DCAF6: variants seen among roughly 807,000 people sequenced by gnomAD.
The protein encoded by DCAF6 is DDB1- and CUL4-associated factor 6.
Under a neutral mutation model 125.1 loss-of-function variants are expected in DCAF6, and 54 were observed. The ratio of observed to expected loss-of-function variants is 0.43; its 90% CI spans 0.35 to 0.54. The LOEUF (loss-of-function observed/expected upper bound fraction) is 0.54, where lower values mean the gene tolerates loss of function less well. Among genes scored for constraint, DCAF6 ranks in the 20% least tolerant of loss-of-function variants. The probability of loss-of-function intolerance (pLI) is 0.01; values close to 1 mark genes in which losing one functional copy is unlikely to be tolerated. For missense variants in DCAF6, 934 were observed against 1,161.7 expected (o/e 0.80, Z 2.85); for synonymous variants, 371 against 390.4 (o/e 0.95, Z 0.58).
chr1:167,937,229 G>T (rs1437261530), intron 1 of DCAF6: 2 of 598,900 alleles, frequency 3.3e-6, no homozygotes, highest in East Asian at 5.8e-5. Flanking sequence ...GGTTTTTCTC[G>T]GAGGGCCGGG....
chr1:168,033,527 C>T (rs1315867277), intron 12 of DCAF6, among the ~76,000 whole-genome samples: 1 of 152,016 alleles, frequency 6.6e-6, no homozygotes, highest in Non-Finnish European at 1.5e-5. Context: ...CCTTGTTAGC[C>T]AGGATGGTCT....
In DCAF6 at chr1:167,988,496, C is replaced by T. The variant is rs115311406; in HGVS notation, c.552+888C>T. 2.8e-3 allele frequency among the ~76,000 whole-genome samples: 422 copies of T among 152,188 alleles called. 2 individuals are homozygous for T. The highest frequency in any genetic ancestry group is 9.9e-3 in the African/African-American group (412 of 41,522). ...ATACTATTTTAAACTTACAAAAGGC[C>T]TGAGAAATCATTCAGTCTTTTGACC... On this transcript the variant is annotated intron_variant, in intron 5 of 21. Coordinates refer to ENST00000367840, the MANE Select transcript of DCAF6 (RefSeq NM_001198956.2).
At chr1:168,057,145 A>G (rs1468481276) in intron 17 of DCAF6, among the ~76,000 whole-genome samples, 1 of 152,210 alleles carries the variant, frequency 6.6e-6, no homozygotes, top group Non-Finnish European at 1.5e-5. Context: ...AATAATACCT[A>G]TAATATCAGT....
Position 168,045,131 on chromosome 1 carries a change from C to T in DCAF6, c.2162C>T (p.Thr721Ile). 1.2e-6 allele frequency: 2 copies of T among 1,614,008 alleles called. No homozygotes were observed. Among genetic ancestry groups the T allele is most frequent in the South Asian group, 2.2e-5 (2 of 91,076 alleles). ...EATGPSAHEE[T>I]STRDSALQDT... ...ACTGGGCCTTCAGCTCATGAAGAAACATCCACCAGGGACTCTGCTCTTCAG... is the reference window on the plus strand; with the variant it reads ...ACTGGGCCTTCAGCTCATGAAGAAATATCCACCAGGGACTCTGCTCTTCAG... The change falls in exon 16 of 22, where the codon ACA becomes ATA. Residue 721 changes from threonine (T) to isoleucine (I), a missense_variant. By Grantham distance (89) the Thr-to-Ile change is moderately conservative. Transcript: ENST00000367840.
At chr1:167,965,783 T>C (rs1676320857) in intron 2 of DCAF6, among the ~76,000 whole-genome samples, 1 of 152,034 alleles carries the variant, frequency 6.6e-6, no homozygotes, top group South Asian at 2.1e-4. Flanking sequence ...TACAGGCGCA[T>C]GCCACCATGG....
intron 2 of DCAF6, among the ~76,000 whole-genome samples, chr1:167,961,535 C>T (rs1485180028): frequency 6.6e-6 from 1 of 151,984 alleles, no homozygotes; most frequent in Non-Finnish European, 1.5e-5. Context: ...GCCACTGTGC[C>T]TGGCCTCCAG....
At chr1:168,013,598 A>G (rs1466189128) in intron 10 of DCAF6, among the ~76,000 whole-genome samples, 3 of 152,034 alleles carry the variant, frequency 2.0e-5, no homozygotes, top group Non-Finnish European at 4.4e-5. Context: ...ACTGGAACTT[A>G]TCTCCTTTAG....
chr1:167,941,563 A>C (rs1460790841), intron 1 of DCAF6, among the ~76,000 whole-genome samples: 1 of 152,148 alleles, frequency 6.6e-6, no homozygotes, highest in Non-Finnish European at 1.5e-5. Context: ...GATGGGATGC[A>C]TTCTGTTTTT....
chr1:168,021,885 A>T (rs1424297873), intron 11 of DCAF6, among the ~76,000 whole-genome samples: 1 of 152,226 alleles, frequency 6.6e-6, no homozygotes, highest in Non-Finnish European at 1.5e-5. Context: ...ATATGCCATT[A>T]TGAGCAGAAA....
At chr1:167,897,678 G>A in the DCAF6 span, among the ~76,000 whole-genome samples, 3,168 of 3,168 alleles carry the variant, frequency 1, 1,584 homozygotes, top group Non-Finnish European at 1. Flanking sequence ...AAGTGCTGTT[G>A]CAGACTGCAG....
intron 4 of DCAF6, among the ~76,000 whole-genome samples, chr1:167,985,774 A>T: frequency 6.6e-6 from 1 of 152,212 alleles, no homozygotes; most frequent in East Asian, 1.9e-4. Flanking sequence ...CACCTACTGA[A>T]AAGTGCTGGC....
At chr1:167,905,789 G>A in the DCAF6 span, among the ~76,000 whole-genome samples, 5 of 151,936 alleles carry the variant, frequency 3.3e-5, no homozygotes, top group Non-Finnish European at 5.9e-5. Flanking sequence ...AAGACCTTAA[G>A]CTGTAAATGG....
At chr1:168,016,528 A>C (rs185314050) in intron 11 of DCAF6, among the ~76,000 whole-genome samples, 1 of 152,276 alleles carries the variant, frequency 6.6e-6, no homozygotes. Flanking sequence ...AAAGTACTCC[A>C]CAGTCTCATG....
intron 1 of DCAF6, among the ~76,000 whole-genome samples, chr1:167,950,785 G>T (rs975895991): frequency 6.6e-6 from 1 of 152,018 alleles, no homozygotes; most frequent in Non-Finnish European, 1.5e-5. Flanking sequence ...ATCTGTGTTT[G>T]GTAAAGATGA....
the DCAF6 span, among the ~76,000 whole-genome samples, chr1:167,873,629 C>T: frequency 6.6e-6 from 1 of 152,138 alleles, no homozygotes; most frequent in Non-Finnish European, 1.5e-5. Context: ...TAGGTCTACT[C>T]CCCTGTCTAA....
intron 3 of DCAF6, among the ~76,000 whole-genome samples, chr1:167,973,163 C>T (rs1339939297): frequency 1.3e-5 from 2 of 152,182 alleles, no homozygotes; most frequent in African/African-American, 4.8e-5. Flanking sequence ...ACGTTAATTA[C>T]TCTCTCTGTT....
In DCAF6 at chr1:167,976,444, C is replaced by T. The variant is rs541073581; in HGVS notation, c.438+1429C>T. On this transcript the variant is annotated intron_variant, in intron 4 of 21. Transcript: ENST00000367840. ...CCAAGACTGCGCTACTGTACTCCAACCTGGGCGACAGAGTGAGACTGTGTC... is the reference window on the plus strand; with the variant it reads ...CCAAGACTGCGCTACTGTACTCCAATCTGGGCGACAGAGTGAGACTGTGTC... Among the ~76,000 whole-genome samples the T allele has an allele frequency of 1.4e-4, 21 of 152,262 alleles. No individual in the cohort carries two copies. The East Asian group carries it at 4.0e-3, about 29-fold the overall frequency.
At chr1:168,055,331 GT>G (rs554861802) in intron 17 of DCAF6, among the ~76,000 whole-genome samples, 3,859 of 31,510 alleles carry the variant, frequency 0.12, 565 homozygotes, top group Middle Eastern at 0.2. Context: ...TCAGGCTTAA[GT>G]TTTTTTTTTT....
chr1:167,910,084 G>A, the DCAF6 span, among the ~76,000 whole-genome samples: 1 of 152,144 alleles, frequency 6.6e-6, no homozygotes, highest in South Asian at 2.1e-4. Flanking sequence ...GGGGACCTCA[G>A]TTCTTGAGAT....
Sources: gnomAD v4.1 joint callset for allele counts (sites outside exome capture counted in the v4.1 genomes callset) on GRCh38, gnomAD v4.1.1 for gene constraint, MANE v1.5 for transcripts, NCBI Gene and HGNC (gene_info 2026-07-23, HGNC 2026-07-21) for gene names.